Variants in CAPN9 observed in about 807,000 individuals in gnomAD.
The protein encoded by CAPN9 is calpain 9, also known as calpain-9.
Under a neutral mutation model 92.8 loss-of-function variants are expected in CAPN9, and 81 were observed. The ratio of observed to expected loss-of-function variants is 0.87; its 90% confidence interval spans 0.73 to 1.05. The LOEUF is 1.05. Ranked by LOEUF, CAPN9 falls within the 50% of genes least tolerant of loss-of-function variation. The probability of loss-of-function intolerance (pLI) is 0.00; values close to 1 mark genes in which losing one functional copy is unlikely to be tolerated. For synonymous variants in CAPN9, 304 were observed against 328.0 expected, an observed-to-expected ratio of 0.93 and a Z score of 0.79; for missense variants, 848 against 866.2, an observed-to-expected ratio of 0.98 and a Z score of 0.26.
chr1:230,774,513 A>C (rs1267472566), intron 7 of CAPN9, 41 bp from the exon 8 acceptor site: 13 of 1,369,964 alleles, frequency 9.5e-6, no homozygotes, highest in Middle Eastern at 1.8e-4. Flanking sequence ...GTTGCTCTTC[A>C]TCATGACCTC....
chr1:230,790,258 C>T (rs1667891118), intron 14 of CAPN9, 69 bp downstream of exon 14: 2 of 1,571,380 alleles, frequency 1.3e-6, no homozygotes, highest in South Asian at 1.2e-5. Flanking sequence ...GCCTGGGTCC[C>T]CTCCCTGCTC....
intron 1 of CAPN9, 128 bp from the exon 2 acceptor site, chr1:230,755,209 C>A (rs564424168): frequency 2.8e-6 from 2 of 722,110 alleles, no homozygotes; most frequent in Non-Finnish European, 4.7e-6. Context: ...CGTGGCCCTC[C>A]TCAGGGAAAA....
At chr1:230,800,267 A>T (rs193079735) in intron 19 of CAPN9, among the ~76,000 whole-genome samples, 2,466 of 134,726 alleles carry the variant, frequency 0.018, 124 homozygotes, top group Middle Eastern at 0.066. Context: ...AGAAAGAAAG[A>T]AAGAAAGAAA....
At chr1:230,790,946 G>A (rs1005625040) in intron 14 of CAPN9, among the ~76,000 whole-genome samples, 1 of 152,260 alleles carries the variant, frequency 6.6e-6, no homozygotes, top group African/African-American at 2.4e-5. Context: ...GCAATACTCC[G>A]TTTCAGGGGG....
chr1:230,791,837 G>A, intron 14 of CAPN9, 27 bp from the exon 15 acceptor site: 1 of 1,596,862 alleles, frequency 6.3e-7, no homozygotes, highest in Non-Finnish European at 8.6e-7. Flanking sequence ...CGGGTCAACT[G>A]AATTCAGCTT....
chr1:230,790,079 C>A, intron 13 of CAPN9, 53 bp from the exon 14 acceptor site: 1 of 1,473,576 alleles, frequency 6.8e-7, no homozygotes, highest in Non-Finnish European at 9.5e-7. Context: ...CAAAAATAAA[C>A]TATAAAAGAA....
intron 16 of CAPN9, 57 bp downstream of exon 16, chr1:230,792,551 G>C: frequency 2.9e-6 from 4 of 1,385,630 alleles, no homozygotes; most frequent in Non-Finnish European, 4.1e-6. Context: ...CTAGAGCAGA[G>C]GGGATTTAAA....
Position 230,747,654 on chromosome 1 carries a change from C to CCT in CAPN9, c.160_161dup (p.Leu55ProfsTer21). 1 of 1,614,186 alleles carries CCT rather than the reference C, an allele frequency of 6.2e-7. No individual in the cohort carries two copies. Among genetic ancestry groups the CCT allele is most frequent in the East Asian group, 2.2e-5 (1 of 44,880 alleles). ...GATGCAGACTTCCCAGCCAGCAATT[C>CCT]CTCCCTGTTCTACAGTGAGAGGCCG... On this transcript the variant is annotated frameshift_variant, in exon 1 of 20. Transcript: ENST00000271971. LOFTEE classifies it high-confidence loss of function.
At position 230,780,056 on chromosome 1, in the gene CAPN9, T is replaced by C. The variant is rs1667097447; in HGVS notation, c.1115-123T>C. ...ACTTTCTCATGTTTGGTAGGACATA[T>C]AATGAGGGCAGATAGGTGTATGTGC... is the stretch of plus-strand genomic sequence containing the variant. On this transcript the variant is annotated intron_variant, in intron 9 of 19. Transcript: ENST00000271971. 1.3e-5 allele frequency: 9 copies of C among 707,832 alleles called. No individual in the cohort carries two copies. The South Asian group carries it at 1.4e-4, about 11-fold the overall frequency. 43.8% of individuals were successfully genotyped at this position (707,832 alleles called of 1,614,324 possible). A position where few individuals can be genotyped will look rare whatever the true frequency, so the allele number is the denominator to read the frequency against.
chr1:230,781,771 G>T (rs755739886), intron 11 of CAPN9, among the ~76,000 whole-genome samples: 5 of 152,226 alleles, frequency 3.3e-5, no homozygotes, highest in Non-Finnish European at 5.9e-5. Context: ...GTGAATACAT[G>T]ACTCACTCTA....
At chr1:230,780,835 C>A in intron 11 of CAPN9, 127 bp downstream of exon 11, 1 of 652,544 alleles carries the variant, frequency 1.5e-6, no homozygotes, top group Non-Finnish European at 2.6e-6. Context: ...AGAAACAAGG[C>A]AGGATGGTTT....
At chr1:230,781,206 C>T (rs1667200998) in intron 11 of CAPN9, among the ~76,000 whole-genome samples, 2 of 150,176 alleles carry the variant, frequency 1.3e-5, no homozygotes, top group East Asian at 1.9e-4. Context: ...AGGCAAGGCA[C>T]ATATCCCTTC....
intron 5 of CAPN9, among the ~76,000 whole-genome samples, chr1:230,768,045 TAAATAAATAAAAAATAAAATA>T (rs1389266277): frequency 1.6e-5 from 2 of 123,250 alleles, no homozygotes; most frequent in Non-Finnish European, 3.6e-5. Context: ...AATAAATAAA[TAAATAAATAAAAAATAAAATA>T]AAATAAAATA....
chr1:230,776,461 G>T (rs1666786990), intron 8 of CAPN9: 1 of 152,180 alleles, frequency 6.6e-6, no homozygotes, highest in Non-Finnish European at 1.5e-5. Context: ...CCATTTTCCA[G>T]CTCGAACAGT....
At chr1:230,801,304 G>C (rs1167790565) in intron 19 of CAPN9, among the ~76,000 whole-genome samples, 1 of 152,172 alleles carries the variant, frequency 6.6e-6, no homozygotes, top group Admixed American at 6.5e-5. Flanking sequence ...CAGGGAGAAA[G>C]CACATTTTCC....
At position 230,770,039 on chromosome 1, in the gene CAPN9, G is replaced by T. The variant is rs574328484; in HGVS notation, c.789+776G>T. On this transcript the variant is annotated intron_variant, in intron 6 of 19. Coordinates refer to ENST00000271971, the MANE Select transcript of CAPN9 (RefSeq NM_006615.3). ...CGGAGTTCAGCTTTAGGGAATACAA[G>T]ATTTTTTGACAATGCAGGAGGGTTG... Among the ~76,000 whole-genome samples, 7 of 152,296 alleles carry T rather than the reference G, an allele frequency of 4.6e-5. No homozygotes were observed. The East Asian group carries it at 1.2e-3, about 25-fold the overall frequency.
chr1:230,748,419 G>A (rs7530200), intron 1 of CAPN9, among the ~76,000 whole-genome samples: 1 of 151,978 alleles, frequency 6.6e-6, no homozygotes, highest in African/African-American at 2.4e-5. Flanking sequence ...CCTCCAGGTG[G>A]GTACGGGCCT....
intron 18 of CAPN9, among the ~76,000 whole-genome samples, chr1:230,797,182 A>G (rs28359734): frequency 0.18 from 27,189 of 152,058 alleles, 2,640 homozygotes; most frequent in Non-Finnish European, 0.23. Context: ...CAAATTCGCC[A>G]GGTGTTTCCA....
chr1:230,769,077 G>A (rs1666204013), intron 5 of CAPN9, 103 bp from the exon 6 acceptor site: 1 of 866,708 alleles, frequency 1.2e-6, no homozygotes, highest in Non-Finnish European at 1.9e-6. Flanking sequence ...GGCAGCAGAA[G>A]GGGCTGGAGG....
Sources: gnomAD v4.1 joint callset for allele counts (sites outside exome capture counted in the v4.1 genomes callset) on GRCh38, gnomAD v4.1.1 for gene constraint, MANE v1.5 for transcripts, NCBI Gene and HGNC (gene_info 2026-07-23, HGNC 2026-07-21) for gene names.